RASGRF2: variants seen among roughly 807,000 people sequenced by gnomAD.
The protein encoded by RASGRF2 is ras-specific guanine nucleotide-releasing factor 2.
Under a neutral mutation model 151.0 loss-of-function variants are expected in RASGRF2, and 76 were observed. That is an observed-to-expected ratio of 0.50 (90% CI 0.42 to 0.61). The LOEUF is 0.61. Ranked by LOEUF, RASGRF2 falls within the 20% of genes least tolerant of loss-of-function variation. The pLI, the probability that RASGRF2 is intolerant of heterozygous loss-of-function variation, is 0.00. For synonymous variants in RASGRF2, 504 were observed against 566.5 expected (o/e 0.89, Z 1.57); for missense variants, 1,148 against 1,564.6 (o/e 0.73, Z 4.49).
At chr5:81,095,752 T>C (rs1429150887) in intron 12 of RASGRF2, among the ~76,000 whole-genome samples, 2 of 152,192 alleles carry the variant, frequency 1.3e-5, no homozygotes, top group African/African-American at 4.8e-5. Context: ...TTTCATGCTT[T>C]TTTTTGGAAG....
At chr5:81,188,984 T>C (rs1430225626) in intron 18 of RASGRF2, among the ~76,000 whole-genome samples, 3 of 152,368 alleles carry the variant, frequency 2.0e-5, no homozygotes, top group Admixed American at 6.5e-5. Context: ...ATGCTTTCCC[T>C]GTTTCTCAAT....
chr5:81,099,316 C>T (rs1752631346), intron 12 of RASGRF2, among the ~76,000 whole-genome samples: 2 of 152,152 alleles, frequency 1.3e-5, no homozygotes, highest in Non-Finnish European at 2.9e-5. Flanking sequence ...TATTCAGCTG[C>T]ATTATATTAA....
At chr5:81,013,609 A>ATG (rs1432845345) in intron 1 of RASGRF2, among the ~76,000 whole-genome samples, 2 of 151,518 alleles carry the variant, frequency 1.3e-5, no homozygotes, top group Non-Finnish European at 2.9e-5. Flanking sequence ...ATATATATAT[A>ATG]TATGTTATGC....
chr5:81,143,441 C>A (rs996586841), intron 17 of RASGRF2, among the ~76,000 whole-genome samples: 1 of 151,898 alleles, frequency 6.6e-6, no homozygotes, highest in African/African-American at 2.4e-5. Context: ...AGCCAACACA[C>A]CTGGCCTGAA....
intron 2 of RASGRF2, among the ~76,000 whole-genome samples, chr5:81,057,234 T>A (rs1463161496): frequency 6.6e-6 from 1 of 152,248 alleles, no homozygotes; most frequent in Non-Finnish European, 1.5e-5. Context: ...ATTGATGGTC[T>A]TTACAATTTG....
Position 81,225,083 on chromosome 5 carries a change from A to G in RASGRF2, c.3622-595A>G, listed in dbSNP as rs577882301. ...CCCAACATATTCATTTCTAGTGTCAATTCCTTTCCTTTCACTTCTGATATC... is the reference window on the plus strand; with the variant it reads ...CCCAACATATTCATTTCTAGTGTCAGTTCCTTTCCTTTCACTTCTGATATC... On this transcript the variant is annotated intron_variant, in intron 26 of 26. Transcript: ENST00000265080. 2.4e-3 allele frequency among the ~76,000 whole-genome samples: 369 copies of G among 152,324 alleles called. 2 individuals carry two copies. The highest frequency in any genetic ancestry group is 8.6e-3 in the African/African-American group (356 of 41,570).
intron 17 of RASGRF2, among the ~76,000 whole-genome samples, chr5:81,166,917 C>T (rs534187558): frequency 6.6e-6 from 1 of 152,174 alleles, no homozygotes; most frequent in East Asian, 1.9e-4. Context: ...TTAGCTTTCC[C>T]CAGGGGTAAA....
At chr5:81,067,940 C>A in intron 2 of RASGRF2, 92 bp from the exon 3 acceptor site, 1 of 1,135,022 alleles carries the variant, frequency 8.8e-7, no homozygotes, top group Non-Finnish European at 1.2e-6. Context: ...ATGCTCATAA[C>A]TTCTTTTTCA....
At chr5:81,040,934 T>C (rs1750658182) in intron 1 of RASGRF2, among the ~76,000 whole-genome samples, 1 of 152,204 alleles carries the variant, frequency 6.6e-6, no homozygotes, top group South Asian at 2.1e-4. Flanking sequence ...TCTAGTGGCT[T>C]GTTTTAAAGC....
At chr5:81,109,840 A>G (rs1163490571) in intron 13 of RASGRF2, among the ~76,000 whole-genome samples, 3 of 152,194 alleles carry the variant, frequency 2.0e-5, no homozygotes, top group Non-Finnish European at 4.4e-5. Flanking sequence ...CAGAGGTGAC[A>G]CTTAATGAAC....
rs1459981731 is a variant in RASGRF2 at position 81,194,514 on chromosome 5, A to G, written c.2794-6816A>G. 3.3e-5 allele frequency among the ~76,000 whole-genome samples: 5 copies of G among 152,182 alleles called. No homozygotes were observed. In the East Asian group the frequency reaches 9.6e-4, roughly 29 times the overall value. On this transcript the variant is annotated intron_variant, in intron 18 of 26. Transcript: ENST00000265080. ...TTTATGAACATGTTGAGTAGAGTCA[A>G]TACAATTTTGGTAAAATAGACTCAT...
chr5:80,967,161 G>T (rs1346568789), intron 1 of RASGRF2, among the ~76,000 whole-genome samples: 1 of 152,212 alleles, frequency 6.6e-6, no homozygotes, highest in Non-Finnish European at 1.5e-5. Context: ...GGTCGAGGCA[G>T]GTGGATCACC....
At chr5:80,995,125 G>A (rs1039851406) in intron 1 of RASGRF2, among the ~76,000 whole-genome samples, 18 of 150,706 alleles carry the variant, frequency 1.2e-4, no homozygotes, top group Admixed American at 8.0e-4. Flanking sequence ...GCGCAGTGGC[G>A]GGTGCCTGTA....
chr5:81,151,474 A>G (rs1754133968), intron 17 of RASGRF2, among the ~76,000 whole-genome samples: 1 of 146,096 alleles, frequency 6.8e-6, no homozygotes, highest in East Asian at 2.0e-4. Context: ...GGACTTATTT[A>G]TGGCTGCTTC....
intron 21 of RASGRF2, 134 bp from the exon 22 acceptor site, chr5:81,208,220 C>T (rs1477582003): frequency 3.2e-6 from 2 of 633,190 alleles, no homozygotes; most frequent in African/African-American, 1.8e-5. Flanking sequence ...GTGAGGCTGG[C>T]AGCAGCAGGT....
intron 1 of RASGRF2, among the ~76,000 whole-genome samples, chr5:81,022,709 A>G (rs888458369): frequency 1.3e-5 from 2 of 152,070 alleles, no homozygotes; most frequent in African/African-American, 4.8e-5. Flanking sequence ...GACTTCCCTT[A>G]GTTCATGCCG....
chr5:81,212,634 T>C (rs893417129), intron 23 of RASGRF2, 71 bp downstream of exon 23: 2 of 1,352,276 alleles, frequency 1.5e-6, no homozygotes, highest in African/African-American at 1.5e-5. Flanking sequence ...CCAAGTTAAA[T>C]ATTACTAATT....
intron 2 of RASGRF2, among the ~76,000 whole-genome samples, chr5:81,062,441 TATA>T (rs1259534915): frequency 6.6e-6 from 1 of 152,236 alleles, no homozygotes; most frequent in African/African-American, 2.4e-5. Flanking sequence ...GAAAAATAAG[TATA>T]ATAAGTTAAG....
intron 26 of RASGRF2, among the ~76,000 whole-genome samples, chr5:81,221,419 A>G (rs543289346): frequency 1.6e-4 from 24 of 152,314 alleles, no homozygotes; most frequent in African/African-American, 5.5e-4. Context: ...TTGTCATCCA[A>G]TAATGTTTTA....
Sources: gnomAD v4.1 joint callset for allele counts (sites outside exome capture counted in the v4.1 genomes callset) on GRCh38, gnomAD v4.1.1 for gene constraint, MANE v1.5 for transcripts, NCBI Gene and HGNC (gene_info 2026-07-23, HGNC 2026-07-21) for gene names.